The following ITFG1 variants were observed in gnomAD, a reference collection of about 807,000 sequenced individuals.
ITFG1 encodes T-cell immunomodulatory protein.
In ITFG1, 34 loss-of-function variants were observed where a neutral mutation model predicts 81.8. The observed-to-expected ratio is 0.42, with a 90% CI of 0.32 to 0.55. The LOEUF (loss-of-function observed/expected upper bound fraction) is 0.55, where lower values mean the gene tolerates loss of function less well. Among genes scored for constraint, ITFG1 ranks in the 20% least tolerant of loss-of-function variants. ITFG1 has a pLI of 0.17. For missense variants in ITFG1, 672 were observed against 755.4 expected, an observed-to-expected ratio of 0.89 and a Z score of 1.29; for synonymous variants, 285 against 270.6, an observed-to-expected ratio of 1.05 and a Z score of -0.52.
intron 13 of ITFG1, among the ~76,000 whole-genome samples, chr16:47,221,184 T>TGAGAAGAGACAAAC (rs1316517716): frequency 1.3e-5 from 2 of 152,106 alleles, no homozygotes; most frequent in Non-Finnish European, 2.9e-5. Context: ...AGGGTTTGTC[T>TGAGAAGAGACAAAC]TTTTTTAATG....
rs925754659 is a variant in ITFG1, at chr16:47,328,083, A to G, written c.803-14260T>C. Among the ~76,000 whole-genome samples the G allele has an allele frequency of 7.2e-5, 11 of 152,360 alleles. 1 individual carries two copies. The highest frequency in any genetic ancestry group is 2.6e-4 in the African/African-American group (11 of 41,586). ...CTTGGAACCAACCCAAATGTCCAAC[A>G]ATGATAGATTGGATTAAGAAAATGT... On this transcript the variant is annotated intron_variant, in intron 8 of 17. Coordinates refer to ENST00000320640, the MANE Select transcript of ITFG1 (RefSeq NM_030790.5).
chr16:47,428,620 A>G (rs1392219683), intron 6 of ITFG1, among the ~76,000 whole-genome samples, 184 bp downstream of exon 6: 1 of 152,240 alleles, frequency 6.6e-6, no homozygotes, highest in African/African-American at 2.4e-5. Flanking sequence ...AAACAACAAT[A>G]GCTAAAGACT....
At position 47,264,237 on chromosome 16, in the gene ITFG1, T is replaced by A. The variant is rs546351438; in HGVS notation, c.1071-3542A>T. Among the ~76,000 whole-genome samples the A allele has an allele frequency of 1.2e-4, 18 of 152,248 alleles. 1 individual carries two copies. Among genetic ancestry groups the A allele is most frequent in the Admixed American group, 1.1e-3 (17 of 15,298 alleles). On this transcript the variant is annotated intron_variant, in intron 10 of 17. Coordinates refer to ENST00000320640, the MANE Select transcript of ITFG1 (RefSeq NM_030790.5). ...GCACATATAAATATGTAAATACATA[T>A]AACCTTAAAAAAAACCTAATTGGGT...
intron 3 of ITFG1, among the ~76,000 whole-genome samples, chr16:47,453,691 G>C (rs1308544393): frequency 1.3e-5 from 2 of 152,168 alleles, no homozygotes; most frequent in African/African-American, 2.4e-5. Flanking sequence ...AGAGGCAGTA[G>C]CTTTTTTGAT....
intron 6 of ITFG1, among the ~76,000 whole-genome samples, chr16:47,413,569 A>T (rs1410642834): frequency 1.3e-5 from 2 of 152,056 alleles, no homozygotes; most frequent in African/African-American, 4.8e-5. Context: ...GATGGCACAC[A>T]TCTGTAATCC....
chr16:47,187,780 A>T (rs1297481058), intron 14 of ITFG1, among the ~76,000 whole-genome samples: 1 of 152,164 alleles, frequency 6.6e-6, no homozygotes, highest in Non-Finnish European at 1.5e-5. Flanking sequence ...ATTAAACCAA[A>T]GAGCTTCTGC....
intron 8 of ITFG1, among the ~76,000 whole-genome samples, chr16:47,323,032 C>T (rs888974397): frequency 2.0e-5 from 3 of 152,024 alleles, no homozygotes; most frequent in African/African-American, 7.2e-5. Context: ...AATATTATCT[C>T]ATGGATACTT....
intron 7 of ITFG1, among the ~76,000 whole-genome samples, chr16:47,367,094 G>A (rs1489072105): frequency 6.6e-6 from 1 of 152,152 alleles, no homozygotes; most frequent in Non-Finnish European, 1.5e-5. Context: ...CAGCTGGAGT[G>A]GCTCGCAGAA....
At chr16:47,403,928 C>G (rs749595945) in intron 6 of ITFG1, among the ~76,000 whole-genome samples, 2 of 151,642 alleles carry the variant, frequency 1.3e-5, no homozygotes, top group African/African-American at 4.9e-5. Flanking sequence ...TCAGAAGGGA[C>G]CATCTAGTTG....
intron 10 of ITFG1, among the ~76,000 whole-genome samples, chr16:47,271,555 T>C (rs971429078): frequency 9.2e-5 from 14 of 152,216 alleles, no homozygotes; most frequent in Non-Finnish European, 1.5e-5. Flanking sequence ...AGTCTGGTGG[T>C]TCCTCAGTTA....
intron 14 of ITFG1, among the ~76,000 whole-genome samples, chr16:47,178,940 A>G (rs1567414854): frequency 6.6e-6 from 1 of 152,274 alleles, no homozygotes; most frequent in Non-Finnish European, 1.5e-5. Flanking sequence ...ACTTCTCAAA[A>G]GAAGACATTT....
intron 13 of ITFG1, among the ~76,000 whole-genome samples, chr16:47,222,447 T>A (rs1414939154): frequency 1.3e-5 from 2 of 149,176 alleles, no homozygotes; most frequent in African/African-American, 5.0e-5. Context: ...GAAGTCTCGC[T>A]AGGTCGCCCA....
intron 14 of ITFG1, among the ~76,000 whole-genome samples, chr16:47,176,634 T>C (rs1682367876): frequency 6.6e-6 from 1 of 152,220 alleles, no homozygotes; most frequent in Non-Finnish European, 1.5e-5. Flanking sequence ...TGTTATATTG[T>C]CACATCTGCC....
intron 10 of ITFG1, among the ~76,000 whole-genome samples, chr16:47,302,321 T>G (rs1188948452): frequency 6.6e-6 from 1 of 152,068 alleles, no homozygotes; most frequent in Non-Finnish European, 1.5e-5. Context: ...CCCAAATACT[T>G]CAGTTAAAAG....
chr16:47,354,640 C>T (rs1447417094), intron 8 of ITFG1, among the ~76,000 whole-genome samples: 3 of 152,082 alleles, frequency 2.0e-5, no homozygotes, highest in South Asian at 2.1e-4. Context: ...AAGGTATTTG[C>T]AATCTATACA....
At chr16:47,178,012 C>T (rs750936063) in intron 14 of ITFG1, among the ~76,000 whole-genome samples, 14 of 152,142 alleles carry the variant, frequency 9.2e-5, no homozygotes, top group South Asian at 2.1e-4. Context: ...TGTAAAAAGA[C>T]GCCAAAAGAT....
chr16:47,205,088 G>C lies in ITFG1; in HGVS notation c.1453+13780C>G, dbSNP rs117782558. 2.7e-3 allele frequency among the ~76,000 whole-genome samples: 410 copies of C among 152,306 alleles called. 3 individuals carry two copies. The highest frequency in any genetic ancestry group is 6.8e-3 in the Middle Eastern group (2 of 294). The stretch of plus-strand genomic sequence containing the variant: ...TACTATTTACATAGGAAGGTGGGAA[G>C]GATTTCCAAATATCCGTAGAAGTTT... On this transcript the variant is annotated intron_variant, in intron 14 of 17. Coordinates refer to ENST00000320640, the MANE Select transcript of ITFG1 (RefSeq NM_030790.5).
intron 7 of ITFG1, among the ~76,000 whole-genome samples, chr16:47,373,820 G>A (rs1968290030): frequency 6.6e-6 from 1 of 152,134 alleles, no homozygotes; most frequent in African/African-American, 2.4e-5. Context: ...TTCTTCTACT[G>A]GCTAATGTGG....
chr16:47,256,641 A>T (rs1156676483), intron 12 of ITFG1, among the ~76,000 whole-genome samples: 1 of 152,246 alleles, frequency 6.6e-6, no homozygotes, highest in African/African-American at 2.4e-5. Flanking sequence ...TTAAAAGTAT[A>T]GAAATGATTA....
Sources: gnomAD v4.1 joint callset for allele counts (sites outside exome capture counted in the v4.1 genomes callset) on GRCh38, gnomAD v4.1.1 for gene constraint, MANE v1.5 for transcripts, NCBI Gene and HGNC (gene_info 2026-07-23, HGNC 2026-07-21) for gene names.